ZFHX3: variants seen among roughly 807,000 people sequenced by gnomAD.
ZFHX3 encodes the protein zinc finger homeobox protein 3.
ZFHX3 carries 42 observed loss-of-function variants against 279.1 expected under a neutral mutation model. That is an observed-to-expected ratio of 0.15 (90% CI 0.12 to 0.19). The LOEUF (loss-of-function observed/expected upper bound fraction) is 0.19. Ranked by LOEUF, ZFHX3 falls within the 10% of genes least tolerant of loss-of-function variation. The probability of loss-of-function intolerance (pLI) is 1.00; values close to 1 mark genes in which losing one functional copy is unlikely to be tolerated. For synonymous variants in ZFHX3, 2,293 were observed against 1,957.8 expected, an observed-to-expected ratio of 1.17 and a Z score of -4.52; for missense variants, 4,981 against 4,754.0, an observed-to-expected ratio of 1.05 and a Z score of -1.40.
At chr16:73,534,207 T>C (rs912864700) in intron 2 of ZFHX3, among the ~76,000 whole-genome samples, 6 of 152,186 alleles carry the variant, frequency 3.9e-5, no homozygotes, top group Admixed American at 1.3e-4. Context: ...TCAATGTTTC[T>C]TTAACACACA....
upstream of ZFHX3, among the ~76,000 whole-genome samples, chr16:73,050,799 G>A (rs1240583674): frequency 6.6e-6 from 1 of 152,090 alleles, no homozygotes; most frequent in Non-Finnish European, 1.5e-5. Flanking sequence ...TTCTTCCCTC[G>A]CAGTTCTCCA....
intron 3 of ZFHX3, among the ~76,000 whole-genome samples, chr16:73,335,280 A>G (rs1051371571): frequency 2.0e-5 from 3 of 152,186 alleles, no homozygotes; most frequent in Non-Finnish European, 4.4e-5. Flanking sequence ...TATTTTCCCT[A>G]TGACTTCGAT....
At chr16:73,024,221 G>C (rs1204342326) in intron 1 of ZFHX3, among the ~76,000 whole-genome samples, 1 of 152,146 alleles carries the variant, frequency 6.6e-6, no homozygotes, top group Non-Finnish European at 1.5e-5. Flanking sequence ...GCAAAGAAAC[G>C]AAGAGGCAGG....
intron 4 of ZFHX3, among the ~76,000 whole-genome samples, chr16:73,266,383 G>A (rs1305088610): frequency 1.3e-5 from 2 of 151,802 alleles, no homozygotes; most frequent in Non-Finnish European, 2.9e-5. Context: ...TATTACTTTC[G>A]AAAGCAAACT....
chr16:72,894,666 A>G (rs1285105324), intron 3 of ZFHX3, among the ~76,000 whole-genome samples: 4 of 152,192 alleles, frequency 2.6e-5, no homozygotes, highest in Admixed American at 1.3e-4. Flanking sequence ...TAATTAGAAT[A>G]CCCTCAATTG....
At chr16:73,150,082 G>C (rs1242656724) in intron 5 of ZFHX3, among the ~76,000 whole-genome samples, 1 of 152,100 alleles carries the variant, frequency 6.6e-6, no homozygotes, top group Admixed American at 6.6e-5. Flanking sequence ...GGAGCTTTTG[G>C]GGGAGTTACA....
At chr16:72,858,682 G>C (rs1389867160) in intron 4 of ZFHX3, among the ~76,000 whole-genome samples, 2 of 152,146 alleles carry the variant, frequency 1.3e-5, no homozygotes, top group African/African-American at 4.8e-5. Flanking sequence ...CCTTGGAGGC[G>C]AGCAGCCGTG....
chr16:73,868,605 G>A (rs1962089720), intron 1 of ZFHX3, among the ~76,000 whole-genome samples: 1 of 152,174 alleles, frequency 6.6e-6, no homozygotes, highest in Non-Finnish European at 1.5e-5. Context: ...TCTGAAAGTT[G>A]TATGCTGTGC....
At chr16:73,689,271 A>G (rs4888619) in intron 1 of ZFHX3, among the ~76,000 whole-genome samples, 1 of 152,042 alleles carries the variant, frequency 6.6e-6, no homozygotes. Context: ...ATTTCACATT[A>G]TGCTCTGGGG....
At chr16:73,788,691 T>C (rs1027730797) in intron 1 of ZFHX3, among the ~76,000 whole-genome samples, 3 of 151,780 alleles carry the variant, frequency 2.0e-5, no homozygotes, top group Admixed American at 2.0e-4. Flanking sequence ...ATCTACAAAA[T>C]GGGAATGTAG....
chr16:73,808,204 T>C (rs1487448585), intron 1 of ZFHX3, among the ~76,000 whole-genome samples: 2 of 152,192 alleles, frequency 1.3e-5, no homozygotes, highest in South Asian at 2.1e-4. Context: ...AAACCATCGA[T>C]GTAGATCATG....
At chr16:73,351,151 A>C (rs1597296677) in intron 3 of ZFHX3, among the ~76,000 whole-genome samples, 3 of 152,212 alleles carry the variant, frequency 2.0e-5, no homozygotes, top group Non-Finnish European at 4.4e-5. Context: ...AAAACCCAAG[A>C]GTAGCTATCT....
At chr16:73,619,048 C>T (rs1287674913) in intron 2 of ZFHX3, among the ~76,000 whole-genome samples, 1 of 151,994 alleles carries the variant, frequency 6.6e-6, no homozygotes, top group African/African-American at 2.4e-5. Context: ...GATTAGCTCT[C>T]ATATCAATGG....
chr16:73,191,998 CT>C (rs1432211157), intron 5 of ZFHX3, among the ~76,000 whole-genome samples: 1 of 152,234 alleles, frequency 6.6e-6, no homozygotes, highest in African/African-American at 2.4e-5. Flanking sequence ...AGAAGTGCTG[CT>C]GGCAGCAGCT....
At chr16:73,819,185 C>A (rs573706995) in intron 1 of ZFHX3, among the ~76,000 whole-genome samples, 1 of 151,816 alleles carries the variant, frequency 6.6e-6, no homozygotes, top group Non-Finnish European at 1.5e-5. Context: ...AAAGTATCTC[C>A]CAATGGCAAC....
intron 2 of ZFHX3, among the ~76,000 whole-genome samples, chr16:73,648,764 C>T (rs995194797): frequency 6.6e-6 from 1 of 152,104 alleles, no homozygotes; most frequent in Admixed American, 6.5e-5. Context: ...CATTGATGGA[C>T]AATTGATAGT....
chr16:73,633,089 A>C (rs1597038107), intron 2 of ZFHX3, among the ~76,000 whole-genome samples: 1 of 152,250 alleles, frequency 6.6e-6, no homozygotes, highest in Admixed American at 6.5e-5. Flanking sequence ...AAAAAGAAAA[A>C]AAATAAGAAA....
intron 2 of ZFHX3, among the ~76,000 whole-genome samples, chr16:73,556,125 G>A (rs978908843): frequency 2.6e-5 from 4 of 152,054 alleles, no homozygotes; most frequent in Middle Eastern, 3.2e-3. Context: ...TCCGATGTGC[G>A]GCCTTAATTG....
intron 4 of ZFHX3, among the ~76,000 whole-genome samples, chr16:72,860,569 T>C (rs2037861679): frequency 6.6e-6 from 1 of 152,190 alleles, no homozygotes; most frequent in South Asian, 2.1e-4. Context: ...GAGCTGGGAC[T>C]ACAGGCATGC....
Sources: allele counts gnomAD v4.1 joint callset (sites outside exome capture counted in the v4.1 genomes callset), GRCh38; gene constraint gnomAD v4.1.1; transcripts MANE v1.5; gene names NCBI Gene and HGNC (gene_info 2026-07-23, HGNC 2026-07-21).